The following ALDH3B2 variants were observed in gnomAD, a reference collection of about 807,000 sequenced individuals.
ALDH3B2 encodes the protein aldehyde dehydrogenase 3 family member B2, also known as aldehyde dehydrogenase family 3 member B2.
ALDH3B2 carries 45 observed loss-of-function variants against 36.7 expected under a neutral mutation model. The ratio of observed to expected loss-of-function variants is 1.23; its 90% CI spans 0.97 to 1.57. ALDH3B2 has a LOEUF of 1.57. ALDH3B2 is among the 40% of genes most tolerant of loss of function. ALDH3B2 has a pLI of 0.00. For synonymous variants in ALDH3B2, 217 were observed against 226.5 expected, an observed-to-expected ratio of 0.96 and a Z score of 0.38; for missense variants, 464 against 513.3, an observed-to-expected ratio of 0.90 and a Z score of 0.93.
chr11:67,674,203 C>T (rs1310932752), intron 1 of ALDH3B2, among the ~76,000 whole-genome samples: 1 of 152,192 alleles, frequency 6.6e-6, no homozygotes, highest in Non-Finnish European at 1.5e-5. Context: ...GTGGCTGCTT[C>T]CCAGGAGCCT....
chr11:67,667,316 C>G (rs1291274103), intron 2 of ALDH3B2, among the ~76,000 whole-genome samples, 157 bp downstream of exon 2: 1 of 152,100 alleles, frequency 6.6e-6, no homozygotes, highest in Non-Finnish European at 1.5e-5. Flanking sequence ...GAGTGAAGGT[C>G]AGGTGCCTGC....
At chr11:67,666,821 C>A in intron 3 of ALDH3B2, 85 bp downstream of exon 3, 3 of 1,610,202 alleles carry the variant, frequency 1.9e-6, no homozygotes, top group Non-Finnish European at 2.5e-6. Flanking sequence ...GTGACTCGCC[C>A]GGGGCCTCAG....
At chr11:67,675,387 T>C (rs548908081), upstream of ALDH3B2, among the ~76,000 whole-genome samples, 30 of 152,168 alleles carry the variant, frequency 2.0e-4, no homozygotes, top group Non-Finnish European at 3.8e-4. Context: ...CGCTAATGTT[T>C]CCACAAGTAT....
chr11:67,676,467 A>T (rs1565252043), upstream of ALDH3B2, among the ~76,000 whole-genome samples: 7 of 152,096 alleles, frequency 4.6e-5, 1 homozygote, highest in South Asian at 1.4e-3. Context: ...CTGTGCTAAG[A>T]GGAAAGTTCA....
rs544174693 is a variant in ALDH3B2 at position 67,672,513 on chromosome 11, C to T, written c.-245+1924G>A. Among the ~76,000 whole-genome samples, 4 of 152,036 alleles carry T rather than the reference C, an allele frequency of 2.6e-5. No homozygotes were observed. The East Asian group carries it at 7.7e-4, about 29-fold the overall frequency. ...TAAAGTGTGTAAACCAAGCTGTGTC[C>T]CGACCACCTTGGGCACATGCTGTCA... On this transcript the variant is annotated intron_variant, in intron 1 of 9. Transcript: ENST00000349015.
chr11:67,677,506 G>A (rs1171064074), upstream of ALDH3B2, among the ~76,000 whole-genome samples: 2 of 152,058 alleles, frequency 1.3e-5, no homozygotes, highest in African/African-American at 2.4e-5. Flanking sequence ...AATACTGAAC[G>A]GGAAAAAGTT....
exon 10 of ALDH3B2, chr11:67,663,032 C>T (rs188395838): frequency 2.5e-4 from 191 of 759,434 alleles, no homozygotes; most frequent in Non-Finnish European, 3.7e-4. Context: ...GAGCAGCGTC[C>T]CCCAGATAGA....
chr11:67,664,784 C>T (rs939115723), intron 7 of ALDH3B2, among the ~76,000 whole-genome samples: 5 of 152,212 alleles, frequency 3.3e-5, no homozygotes, highest in Non-Finnish European at 5.9e-5. Flanking sequence ...GCCTGTGGGG[C>T]GCAGAGAATC....
At chr11:67,669,234 G>A (rs1326968060) in intron 1 of ALDH3B2, among the ~76,000 whole-genome samples, 1 of 151,186 alleles carries the variant, frequency 6.6e-6, no homozygotes, top group Non-Finnish European at 1.5e-5. Flanking sequence ...GGGTGTCTGT[G>A]TGTGTGTGTC....
At chr11:67,679,759 C>T (rs1332212175) in intron 1 of ALDH3B2, among the ~76,000 whole-genome samples, 2 of 151,392 alleles carry the variant, frequency 1.3e-5, no homozygotes, top group African/African-American at 4.9e-5. Flanking sequence ...TCCCATCAAA[C>T]CAAATTAATA....
chr11:67,673,796 C>G (rs1386439767), intron 1 of ALDH3B2: 1 of 152,278 alleles, frequency 6.6e-6, no homozygotes, highest in African/African-American at 2.4e-5. Context: ...TCCTCACAGC[C>G]TCAGTGCGAG....
intron 7 of ALDH3B2, among the ~76,000 whole-genome samples, chr11:67,664,785 G>A (rs1054878923): frequency 3.7e-4 from 57 of 152,354 alleles, no homozygotes; most frequent in African/African-American, 1.1e-3. Flanking sequence ...CCTGTGGGGC[G>A]CAGAGAATCC....
intron 8 of ALDH3B2, 56 bp from the exon 9 acceptor site, chr11:67,663,817 G>A: frequency 6.8e-7 from 1 of 1,478,454 alleles, no homozygotes; most frequent in Non-Finnish European, 9.3e-7. Context: ...GAGGGCTTGA[G>A]CCCCGCACAT....
At chr11:67,666,055 A>T in intron 6 of ALDH3B2, 67 bp downstream of exon 6, 12 of 1,488,804 alleles carry the variant, frequency 8.1e-6, no homozygotes, top group African/African-American at 1.4e-5. Flanking sequence ...CTCCCTCCAC[A>T]ACCCTCCCAC....
At chr11:67,678,700 A>G (rs572667666), upstream of ALDH3B2, among the ~76,000 whole-genome samples, 7 of 74,536 alleles carry the variant, frequency 9.4e-5, no homozygotes, top group African/African-American at 2.2e-4. Context: ...TATACACACT[A>G]TGGTGTCTAT....
chr11:67,673,493 T>C (rs1010798353), intron 1 of ALDH3B2, among the ~76,000 whole-genome samples: 2 of 152,108 alleles, frequency 1.3e-5, no homozygotes, highest in African/African-American at 4.8e-5. Flanking sequence ...GAGGGCCTCT[T>C]GGAGGGCAGG....
chr11:67,663,393 C>T, exon 10 of ALDH3B2: 2 of 1,610,264 alleles, frequency 1.2e-6, no homozygotes. Flanking sequence ...GCCCATCCCA[C>T]TGTGGCCTGT....
chr11:67,673,943 G>C (rs980012830), intron 1 of ALDH3B2, among the ~76,000 whole-genome samples: 3 of 152,162 alleles, frequency 2.0e-5, no homozygotes, highest in African/African-American at 7.2e-5. Flanking sequence ...AGTATTTCTA[G>C]AACCAGAAAC....
exon 10 of ALDH3B2, chr11:67,663,239 G>A (rs528290645): frequency 9.3e-6 from 15 of 1,611,980 alleles, no homozygotes; most frequent in Non-Finnish European, 1.3e-5. Flanking sequence ...AGCTCTGGGA[G>A]CCCATGCCCC....
Sources: gnomAD v4.1 joint callset for allele counts (sites outside exome capture counted in the v4.1 genomes callset) on GRCh38, gnomAD v4.1.1 for gene constraint, MANE v1.5 for transcripts, NCBI Gene and HGNC (gene_info 2026-07-23, HGNC 2026-07-21) for gene names.